POLH: variants seen among roughly 807,000 people sequenced by gnomAD.
POLH encodes the protein DNA polymerase eta transcript.
In POLH, 53 loss-of-function variants were observed where a neutral mutation model predicts 73.6. The ratio of observed to expected loss-of-function variants is 0.72; its 90% CI spans 0.58 to 0.91. The LOEUF (loss-of-function observed/expected upper bound fraction) is 0.91, where lower values mean the gene tolerates loss of function less well. POLH is among the 40% of genes least tolerant of loss of function. The pLI is 0.00. For synonymous variants in POLH, 292 were observed against 308.5 expected (o/e 0.95, Z 0.56); for missense variants, 768 against 865.4 (o/e 0.89, Z 1.41).
At chr6:43,600,769 G>A (rs1198888392) in intron 5 of POLH, among the ~76,000 whole-genome samples, 1 of 152,248 alleles carries the variant, frequency 6.6e-6, no homozygotes, top group East Asian at 1.9e-4. Flanking sequence ...GGGAAGAACA[G>A]TGAGGATAAT....
chr6:43,598,002 C>G, intron 5 of POLH, 137 bp downstream of exon 5: 1 of 764,734 alleles, frequency 1.3e-6, no homozygotes, highest in Non-Finnish European at 2.2e-6. Flanking sequence ...CGCGTGAGCC[C>G]AGGAGTTGAA....
At chr6:43,613,088 G>A (rs1184846062) in intron 10 of POLH, among the ~76,000 whole-genome samples, 3 of 152,076 alleles carry the variant, frequency 2.0e-5, no homozygotes, top group Non-Finnish European at 4.4e-5. Context: ...GTGAGCCACC[G>A]CTCCCGGCTA....
At chr6:43,601,546 G>A (rs1766735375) in intron 6 of POLH, among the ~76,000 whole-genome samples, 2 of 151,834 alleles carry the variant, frequency 1.3e-5, no homozygotes, top group South Asian at 2.1e-4. Context: ...GATTACAGGC[G>A]TGAGCCACTG....
At position 43,591,639 on chromosome 6, in the gene POLH, A is replaced by T. The variant is rs867466434; in HGVS notation, c.490+4150A>T. Among the ~76,000 whole-genome samples, 244 of 148,084 alleles carry T rather than the reference A, an allele frequency of 1.6e-3. 1 individual carries two copies. The highest frequency in any genetic ancestry group is 5.8e-3 in the African/African-American group (228 of 39,014). On this transcript the variant is annotated intron_variant, in intron 4 of 10. Coordinates refer to ENST00000372236, the MANE Select transcript of POLH (RefSeq NM_006502.3). Reference sequence around the variant, plus strand: ...CAGCCTGATTTTTTTTTTTTTTTTAAATATTTGGAATTGGTTTTATAATGC... The same window carrying T: ...CAGCCTGATTTTTTTTTTTTTTTTATATATTTGGAATTGGTTTTATAATGC...
chr6:43,580,758 C>A lies in POLH; in HGVS notation c.-4-1558C>A, dbSNP rs1398337988. Among the ~76,000 whole-genome samples the A allele has an allele frequency of 1.4e-3, 184 of 130,886 alleles. 3 individuals are homozygous for A. The highest frequency in any genetic ancestry group is 5.1e-3 in the African/African-American group (166 of 32,810). 85.9% of individuals were successfully genotyped at this position (130,886 alleles called of 152,430 possible). A position where few individuals can be genotyped will look rare whatever the true frequency, so the allele number is the denominator to read the frequency against. On this transcript the variant is annotated intron_variant, in intron 1 of 10. Transcript: ENST00000372236. ...CTCCCGGACGGGGCGGCTGGCCGGG[C>A]GGGGGGCCGACCCCCCCACCTCCCT...
chr6:43,600,005 A>G (rs2127798368), intron 5 of POLH, among the ~76,000 whole-genome samples: 1 of 152,018 alleles, frequency 6.6e-6, no homozygotes, highest in East Asian at 1.9e-4. Flanking sequence ...CTAAAAATAC[A>G]AAATTAGCTG....
chr6:43,586,217 G>A (rs1055605120), intron 3 of POLH, among the ~76,000 whole-genome samples: 2 of 152,086 alleles, frequency 1.3e-5, no homozygotes, highest in Admixed American at 6.6e-5. Flanking sequence ...GGTGGCTCAC[G>A]CCGGTAATCC....
intron 3 of POLH, among the ~76,000 whole-genome samples, chr6:43,583,638 T>C (rs1764512139): frequency 1.3e-5 from 2 of 152,206 alleles, no homozygotes; most frequent in African/African-American, 4.8e-5. Flanking sequence ...TGAATCAGCA[T>C]AGCTAAGTCA....
chr6:43,580,628 C>T (rs1763976890), intron 1 of POLH, among the ~76,000 whole-genome samples: 1 of 128,872 alleles, frequency 7.8e-6, no homozygotes, highest in African/African-American at 3.1e-5. Context: ...CAGAGGCGCC[C>T]CTCACCTCCC....
At chr6:43,596,897 G>A (rs1013885430) in intron 4 of POLH, among the ~76,000 whole-genome samples, 6 of 152,018 alleles carry the variant, frequency 3.9e-5, no homozygotes, top group African/African-American at 1.4e-4. Flanking sequence ...GCTTATCAAG[G>A]GAATAAATCT....
intron 6 of POLH, among the ~76,000 whole-genome samples, chr6:43,601,305 G>T (rs1381001493): frequency 6.6e-6 from 1 of 151,654 alleles, no homozygotes; most frequent in African/African-American, 2.4e-5. Context: ...CACTCTTGTT[G>T]CCCACGCTAG....
chr6:43,604,686 T>C lies in POLH; in HGVS notation c.956T>C (p.Ile319Thr), dbSNP rs780730150. 3.1e-6 allele frequency: 5 copies of C among 1,614,110 alleles called. No individual in the cohort carries two copies. Among genetic ancestry groups the C allele is most frequent in the South Asian group, 1.1e-5 (1 of 91,080 alleles). ...AAACCCAGGCAACTACCCAAAACCA[T>C]TGGCTGTAGTAAGAACTTCCCAGGA... ...PVKPRQLPKT[I>T]GCSKNFPGKT... Residue 319 changes from isoleucine to threonine, a missense_variant, in exon 8 of 11, where the codon ATT becomes ACT. Coordinates refer to ENST00000372236, the MANE Select transcript of POLH (RefSeq NM_006502.3).
chr6:43,585,632 C>CTTTTT (rs927573344), intron 3 of POLH, among the ~76,000 whole-genome samples: 9 of 133,104 alleles, frequency 6.8e-5, no homozygotes, highest in African/African-American at 1.3e-4. Flanking sequence ...ATTGCTCTTT[C>CTTTTT]TTTTCTTTTT....
Position 43,620,433 on chromosome 6 carries a change from T to C in POLH, c.*5876T>C. On this transcript the variant is annotated 3_prime_UTR_variant, in exon 11 of 11. Transcript: ENST00000372236. The stretch of plus-strand genomic sequence containing the variant: ...TTGGGGTTTCACTTGTCTCTAATCC[T>C]GAAGAGGTATCTAGCCCTGGAAGGA... The C allele has an allele frequency of 2.5e-6, 1 of 404,498 alleles. No individual in the cohort carries two copies. Among genetic ancestry groups the C allele is most frequent in the South Asian group, 1.9e-5 (1 of 52,388 alleles). 25.1% of individuals were successfully genotyped at this position (404,498 alleles called of 1,614,324 possible).
chr6:43,582,187 A>G (rs539470224), intron 1 of POLH, 129 bp from the exon 2 acceptor site: 6 of 864,256 alleles, frequency 6.9e-6, no homozygotes, highest in South Asian at 2.7e-5. Flanking sequence ...TTAAATGCCT[A>G]TTTCATTCTT....
intron 2 of POLH, among the ~76,000 whole-genome samples, 161 bp from the exon 3 acceptor site, chr6:43,582,846 C>G (rs1764437895): frequency 6.6e-6 from 1 of 152,096 alleles, no homozygotes. Flanking sequence ...TGTGCCTGGC[C>G]CTATTTTTGA....
At position 43,620,207 on chromosome 6, in the gene POLH, C is replaced by CT; in HGVS notation, c.*5651dup. 1 of 513,338 alleles carries CT rather than the reference C, an allele frequency of 1.9e-6. No individual in the cohort carries two copies. Among genetic ancestry groups the CT allele is most frequent in the Non-Finnish European group, 3.9e-6 (1 of 258,574 alleles). The allele number at this position is 513,338 out of a possible 1,614,324, so 31.8% of individuals were successfully genotyped here. On this transcript the variant is annotated 3_prime_UTR_variant, in exon 11 of 11. Transcript: ENST00000372236. ...AGTGGGCTCCTTACTATTCTGACCACTAGCAAGTGGCCAACTCTTCAAATA... is the reference window on the plus strand; with the variant it reads ...AGTGGGCTCCTTACTATTCTGACCACTTAGCAAGTGGCCAACTCTTCAAATA...
At chr6:43,601,456 G>A (rs1226375551) in intron 6 of POLH, among the ~76,000 whole-genome samples, 1 of 152,034 alleles carries the variant, frequency 6.6e-6, no homozygotes, top group East Asian at 1.9e-4. Context: ...AGTAGAGACA[G>A]GGTTTCACCA....
chr6:43,604,036 T>A (rs760781397), intron 7 of POLH, 25 bp downstream of exon 7: 2 of 1,595,544 alleles, frequency 1.3e-6, no homozygotes, highest in East Asian at 2.2e-5. Flanking sequence ...TTTTTTAAAA[T>A]CATAACCTTT....
Sources: gnomAD v4.1 joint callset for allele counts (sites outside exome capture counted in the v4.1 genomes callset) on GRCh38, gnomAD v4.1.1 for gene constraint, MANE v1.5 for transcripts, NCBI Gene and HGNC (gene_info 2026-07-23, HGNC 2026-07-21) for gene names.